H2AC16: variants seen among roughly 807,000 people sequenced by gnomAD.
H2AC16 encodes H2A clustered histone 16.
A neutral mutation model predicts 6.6 loss-of-function variants in H2AC16; 11 were observed. That is an observed-to-expected ratio of 1.67 (90% CI 1.05 to 2.77). The LOEUF (loss-of-function observed/expected upper bound fraction) is 2.77. H2AC16 is among the 30% of genes most tolerant of loss of function. The pLI, the probability that H2AC16 is intolerant of heterozygous loss-of-function variation, is 0.00. For missense variants in H2AC16, 212 were observed against 177.1 expected, an observed-to-expected ratio of 1.20 and a Z score of -1.12; for synonymous variants, 131 against 80.8, an observed-to-expected ratio of 1.62 and a Z score of -3.33.
In H2AC16 at chr6:27,865,720, G is replaced by T. The variant is rs1354647769; in HGVS notation, c.366G>T (p.Glu122Asp). The T allele has an allele frequency of 6.2e-7, 1 of 1,614,168 alleles. No individual in the cohort carries two copies. Residue 122 changes from glutamate to aspartate, a missense_variant, in exon 1 of 1, where the codon GAG becomes GAT. By Grantham distance (45) the Glu-to-Asp change is conservative. Coordinates refer to ENST00000613174, the MANE Select transcript of H2AC16 (RefSeq NM_003511.3). The stretch of plus-strand genomic sequence containing the variant: ...CTGTGCTACTGCCCAAGAAGACCGA[G>T]AGTCACCACAAGGCCAAAGGCAAAT... The part of the protein sequence containing the change: ...IQAVLLPKKT[E>D]SHHKAKGK
In H2AC16 at chr6:27,865,389, G is replaced by C; in HGVS notation, c.35G>C (p.Arg12Pro). ...CGCGGCAAGCAGGGAGGCAAAGCTC[G>C]CGCCAAAGCCAAGACCCGCTCTTCT... ...SGRGKQGGKA[R>P]AKAKTRSSRA... The change falls in exon 1 of 1, where the codon CGC (arginine) becomes CCC (proline). Residue 12 changes from arginine to proline, a missense_variant. By Grantham distance (103) the Arg-to-Pro change is moderately radical. Transcript: ENST00000613174. 6.2e-7 allele frequency: 1 copy of C among 1,610,748 alleles called. No homozygotes were observed. The highest frequency in any genetic ancestry group is 2.2e-5 in the East Asian group (1 of 44,766).
At position 27,865,660 on chromosome 6, in the gene H2AC16, C is replaced by G; in HGVS notation, c.306C>G (p.Thr102=). 2 of 1,614,250 alleles carry G rather than the reference C, an allele frequency of 1.2e-6. No homozygotes were observed. Among genetic ancestry groups the G allele is most frequent in the Non-Finnish European group, 8.5e-7 (1 of 1,180,048 alleles). ...EELNKLLGKV[T]IAQGGVLPNI... ...TCAACAAGCTGCTGGGCAAAGTAAC[C>G]ATCGCTCAGGGTGGTGTCCTGCCCA... The change falls in exon 1 of 1, where the codon ACC becomes ACG. Residue 102 remains threonine, a synonymous_variant. Coordinates refer to ENST00000613174, the MANE Select transcript of H2AC16 (RefSeq NM_003511.3).
rs755148592 is a variant in H2AC16, at chr6:27,865,352, G to C, written c.-3G>C. ...CAGTTCCTCCATTTATCGTTTCTTC[G>C]TCATGTCGGGACGCGGCAAGCAGGG... is the stretch of plus-strand genomic sequence containing the variant. On this transcript the variant is annotated 5_prime_UTR_variant, in exon 1 of 1. Coordinates refer to ENST00000613174, the MANE Select transcript of H2AC16 (RefSeq NM_003511.3). 8 of 1,600,972 alleles carry C rather than the reference G, an allele frequency of 5.0e-6. No homozygotes were observed. The highest frequency in any genetic ancestry group is 6.8e-6 in the Non-Finnish European group (8 of 1,171,798).
Position 27,865,433 on chromosome 6 carries a change from C to T in H2AC16, c.79C>T (p.Pro27Ser). 1.2e-6 allele frequency: 2 copies of T among 1,614,040 alleles called. No homozygotes were observed. The highest frequency in any genetic ancestry group is 1.7e-6 in the Non-Finnish European group (2 of 1,179,954). ...TRSSRAGLQF[P>S]VGRVHRLLRK... ...CTCTTCTCGTGCCGGTCTCCAGTTC[C>T]CCGTGGGCCGAGTGCACCGACTGCT... Residue 27 changes from proline to serine, a missense_variant, in exon 1 of 1, where the codon CCC becomes TCC. Transcript: ENST00000613174.
Position 27,865,707 on chromosome 6 carries a change from C to A in H2AC16, c.353C>A (p.Pro118His). ...CCCAACATCCAGGCTGTGCTACTGC[C>A]CAAGAAGACCGAGAGTCACCACAAG... ...VLPNIQAVLLPKKTESHHKAK... is the reference protein window; with the variant it reads ...VLPNIQAVLLHKKTESHHKAK... Residue 118 changes from proline to histidine, a missense_variant, in exon 1 of 1, where the codon CCC (proline) becomes CAC (histidine). By Grantham distance (77) the Pro-to-His change is moderately conservative. Transcript: ENST00000613174. The A allele has an allele frequency of 2.5e-6, 4 of 1,614,184 alleles. No homozygotes were observed. The highest frequency in any genetic ancestry group is 3.4e-6 in the Non-Finnish European group (4 of 1,180,028).
At position 27,865,420 on chromosome 6, in the gene H2AC16, C is replaced by A. The variant is rs770768543; in HGVS notation, c.66C>A (p.Ala22=). 13 of 1,613,624 alleles carry A rather than the reference C, an allele frequency of 8.1e-6. No individual in the cohort carries two copies. The highest frequency in any genetic ancestry group is 2.7e-5 in the African/African-American group (2 of 74,918). ...RAKAKTRSSR[A]GLQFPVGRVH... ...AAGCCAAGACCCGCTCTTCTCGTGC[C>A]GGTCTCCAGTTCCCCGTGGGCCGAG... The change falls in exon 1 of 1, where the codon GCC becomes GCA. Residue 22 remains alanine, a synonymous_variant. Transcript: ENST00000613174.
rs959252650 is a variant in H2AC16, at chr6:27,865,426, C to T, written c.72C>T (p.Leu24=). 1.9e-6 allele frequency: 3 copies of T among 1,613,980 alleles called. No individual in the cohort carries two copies. Among genetic ancestry groups the T allele is most frequent in the South Asian group, 1.1e-5 (1 of 91,066 alleles). Residue 24 remains leucine, a synonymous_variant, in exon 1 of 1, where the codon CTC becomes CTT. Transcript: ENST00000613174. ...KAKTRSSRAG[L]QFPVGRVHRL... Reference sequence around the variant, plus strand: ...AGACCCGCTCTTCTCGTGCCGGTCTCCAGTTCCCCGTGGGCCGAGTGCACC... The same window carrying T: ...AGACCCGCTCTTCTCGTGCCGGTCTTCAGTTCCCCGTGGGCCGAGTGCACC...
Position 27,865,445 on chromosome 6 carries a change from G to A in H2AC16, c.91G>A (p.Val31Met). 1.9e-6 allele frequency: 3 copies of A among 1,614,044 alleles called. No individual in the cohort carries two copies. Among genetic ancestry groups the A allele is most frequent in the South Asian group, 1.1e-5 (1 of 91,074 alleles). ...RAGLQFPVGR[V>M]HRLLRKGNYA... ...CGGTCTCCAGTTCCCCGTGGGCCGA[G>A]TGCACCGACTGCTCCGCAAGGGCAA... The change falls in exon 1 of 1, where the codon GTG becomes ATG. Residue 31 changes from valine (V) to methionine (M), a missense_variant. By Grantham distance (21) the Val-to-Met change is conservative. Coordinates refer to ENST00000613174, the MANE Select transcript of H2AC16 (RefSeq NM_003511.3).
At position 27,865,482 on chromosome 6, in the gene H2AC16, G is replaced by T; in HGVS notation, c.128G>T (p.Arg43Leu). Residue 43 changes from arginine (R) to leucine (L), a missense_variant, in exon 1 of 1, where the codon CGG becomes CTG. Physicochemically the swap from Arg to Leu is moderately radical, Grantham distance 102 (BLOSUM62 -2). Coordinates refer to ENST00000613174, the MANE Select transcript of H2AC16 (RefSeq NM_003511.3). Reference sequence around the variant, plus strand: ...CTCCGCAAGGGCAACTATGCTGAGCGGGTCGGGGCCGGCGCGCCGGTGTAC... The same window carrying T: ...CTCCGCAAGGGCAACTATGCTGAGCTGGTCGGGGCCGGCGCGCCGGTGTAC... ...RLLRKGNYAE[R>L]VGAGAPVYLA... 2.5e-6 allele frequency: 4 copies of T among 1,613,972 alleles called. No individual in the cohort carries two copies. Among genetic ancestry groups the T allele is most frequent in the Non-Finnish European group, 3.4e-6 (4 of 1,179,894 alleles).
In H2AC16 at chr6:27,865,683, C is replaced by T; in HGVS notation, c.329C>T (p.Pro110Leu). The change falls in exon 1 of 1, where the codon CCC (proline) becomes CTC (leucine). Residue 110 changes from proline (P) to leucine (L), a missense_variant. Coordinates refer to ENST00000613174, the MANE Select transcript of H2AC16 (RefSeq NM_003511.3). ...KVTIAQGGVL[P>L]NIQAVLLPKK... ...ACCATCGCTCAGGGTGGTGTCCTGC[C>T]CAACATCCAGGCTGTGCTACTGCCC... is the stretch of plus-strand genomic sequence containing the variant. The T allele has an allele frequency of 3.1e-6, 5 of 1,614,194 alleles. No individual in the cohort carries two copies. The highest frequency in any genetic ancestry group is 4.2e-6 in the Non-Finnish European group (5 of 1,180,026).
Position 27,865,638 on chromosome 6 carries a change from A to G in H2AC16, c.284A>G (p.Asn95Ser). Reference sequence around the variant, plus strand: ...GCCATCCGCAACGACGAGGAGCTCAACAAGCTGCTGGGCAAAGTAACCATC... The same window carrying G: ...GCCATCCGCAACGACGAGGAGCTCAGCAAGCTGCTGGGCAAAGTAACCATC... ...QLAIRNDEEL[N>S]KLLGKVTIAQ... The change falls in exon 1 of 1, where the codon AAC becomes AGC. Residue 95 changes from asparagine to serine, a missense_variant. Transcript: ENST00000613174. 1.2e-6 allele frequency: 2 copies of G among 1,614,242 alleles called. No homozygotes were observed. Among genetic ancestry groups the G allele is most frequent in the South Asian group, 1.1e-5 (1 of 91,080 alleles).
rs1561940137 is a variant in H2AC16, at chr6:27,865,663, C to T, written c.309C>T (p.Ile103=). ...ELNKLLGKVT[I]AQGGVLPNIQ... is the part of the protein sequence containing the mutation. Reference sequence around the variant, plus strand: ...ACAAGCTGCTGGGCAAAGTAACCATCGCTCAGGGTGGTGTCCTGCCCAACA... The same window carrying T: ...ACAAGCTGCTGGGCAAAGTAACCATTGCTCAGGGTGGTGTCCTGCCCAACA... The change falls in exon 1 of 1, where the codon ATC becomes ATT. Residue 103 remains isoleucine, a synonymous_variant. Coordinates refer to ENST00000613174, the MANE Select transcript of H2AC16 (RefSeq NM_003511.3). 2 of 1,614,242 alleles carry T rather than the reference C, an allele frequency of 1.2e-6. No individual in the cohort carries two copies. The highest frequency in any genetic ancestry group is 1.7e-6 in the Non-Finnish European group (2 of 1,180,038).
rs1466682075 is a variant in H2AC16, at chr6:27,865,659, C to T, written c.305C>T (p.Thr102Ile). The change falls in exon 1 of 1, where the codon ACC becomes ATC. Residue 102 changes from threonine to isoleucine, a missense_variant. Coordinates refer to ENST00000613174, the MANE Select transcript of H2AC16 (RefSeq NM_003511.3). ...EELNKLLGKVTIAQGGVLPNI... is the reference protein window; with the variant it reads ...EELNKLLGKVIIAQGGVLPNI... ...CTCAACAAGCTGCTGGGCAAAGTAA[C>T]CATCGCTCAGGGTGGTGTCCTGCCC... is the stretch of plus-strand genomic sequence containing the variant. 1 of 1,614,248 alleles carries T rather than the reference C, an allele frequency of 6.2e-7. No homozygotes were observed. Among genetic ancestry groups the T allele is most frequent in the Admixed American group, 1.7e-5 (1 of 60,032 alleles).
Position 27,865,425 on chromosome 6 carries a change from TCC to T in H2AC16, c.72_73del (p.Gln25ValfsTer17). ...AAGACCCGCTCTTCTCGTGCCGGTCTCCAGTTCCCCGTGGGCCGAGTGCACCG... is the reference window on the plus strand; with the variant it reads ...AAGACCCGCTCTTCTCGTGCCGGTCTAGTTCCCCGTGGGCCGAGTGCACCG... On this transcript the variant is annotated frameshift_variant, in exon 1 of 1. Coordinates refer to ENST00000613174, the MANE Select transcript of H2AC16 (RefSeq NM_003511.3). LOFTEE classifies it high-confidence loss of function. The T allele has an allele frequency of 4.3e-6, 7 of 1,613,934 alleles. No homozygotes were observed. The highest frequency in any genetic ancestry group is 5.9e-6 in the Non-Finnish European group (7 of 1,179,896).
rs1333455809 is a variant in H2AC16, at chr6:27,865,418, G to T, written c.64G>T (p.Ala22Ser). The change falls in exon 1 of 1, where the codon GCC becomes TCC. Residue 22 changes from alanine to serine, a missense_variant. Physicochemically the swap from Ala to Ser is moderately conservative, Grantham distance 99. Transcript: ENST00000613174. ...RAKAKTRSSR[A>S]GLQFPVGRVH... ...CAAAGCCAAGACCCGCTCTTCTCGT[G>T]CCGGTCTCCAGTTCCCCGTGGGCCG... is the stretch of plus-strand genomic sequence containing the variant. The T allele has an allele frequency of 1.2e-6, 2 of 1,613,694 alleles. No homozygotes were observed. The highest frequency in any genetic ancestry group is 4.5e-5 in the East Asian group (2 of 44,866).
Position 27,865,399 on chromosome 6 carries a change from C to A in H2AC16, c.45C>A (p.Ala15=), listed in dbSNP as rs752182301. The change falls in exon 1 of 1, where the codon GCC becomes GCA. Residue 15 remains alanine (A), a synonymous_variant. Coordinates refer to ENST00000613174, the MANE Select transcript of H2AC16 (RefSeq NM_003511.3). ...AGGGAGGCAAAGCTCGCGCCAAAGC[C>A]AAGACCCGCTCTTCTCGTGCCGGTC... ...GKQGGKARAK[A]KTRSSRAGLQ... The A allele has an allele frequency of 6.2e-7, 1 of 1,613,178 alleles. No individual in the cohort carries two copies. The highest frequency in any genetic ancestry group is 1.1e-5 in the South Asian group (1 of 91,022).
Position 27,865,703 on chromosome 6 carries a change from C to G in H2AC16, c.349C>G (p.Leu117Val). Residue 117 changes from leucine to valine, a missense_variant, in exon 1 of 1, where the codon CTG (leucine) becomes GTG (valine). By Grantham distance (32) the Leu-to-Val change is conservative (BLOSUM62 1). Transcript: ENST00000613174. ...GVLPNIQAVL[L>V]PKKTESHHKA... ...CCTGCCCAACATCCAGGCTGTGCTA[C>G]TGCCCAAGAAGACCGAGAGTCACCA... The G allele has an allele frequency of 6.2e-7, 1 of 1,614,238 alleles. No homozygotes were observed. Among genetic ancestry groups the G allele is most frequent in the Non-Finnish European group, 8.5e-7 (1 of 1,180,048 alleles).
Position 27,865,775 on chromosome 6 carries a change from A to T in H2AC16, c.*28A>T. 1 of 1,605,820 alleles carries T rather than the reference A, an allele frequency of 6.2e-7. No individual in the cohort carries two copies. The highest frequency in any genetic ancestry group is 8.5e-7 in the Non-Finnish European group (1 of 1,173,806). ...TCTCCATAGAATCACTTTCCAATAC[A>T]ACGGCTCTTTTCAGAGCCACCTACT... On this transcript the variant is annotated 3_prime_UTR_variant, in exon 1 of 1. Coordinates refer to ENST00000613174, the MANE Select transcript of H2AC16 (RefSeq NM_003511.3).
In H2AC16 at chr6:27,865,602, A is replaced by G. The variant is rs190008233; in HGVS notation, c.248A>G (p.His83Arg). 135 of 1,614,218 alleles carry G rather than the reference A, an allele frequency of 8.4e-5. No individual in the cohort carries two copies. Among genetic ancestry groups the G allele is most frequent in the Admixed American group, 1.3e-4 (8 of 60,030 alleles). Residue 83 changes from histidine (H) to arginine (R), a missense_variant, in exon 1 of 1, where the codon CAC becomes CGC. By Grantham distance (29) the His-to-Arg change is conservative. Coordinates refer to ENST00000613174, the MANE Select transcript of H2AC16 (RefSeq NM_003511.3). ...DNKKTRIIPR[H>R]LQLAIRNDEE... ...AAGAAGACCCGCATTATCCCGCGCCACTTGCAGCTGGCCATCCGCAACGAC... is the reference window on the plus strand; with the variant it reads ...AAGAAGACCCGCATTATCCCGCGCCGCTTGCAGCTGGCCATCCGCAACGAC...
Sources: allele counts gnomAD v4.1 joint callset, GRCh38; gene constraint gnomAD v4.1.1; transcripts MANE v1.5; gene names NCBI Gene and HGNC (gene_info 2026-07-23, HGNC 2026-07-21).